PDE4B: variants seen among roughly 807,000 people sequenced by gnomAD.
The protein encoded by PDE4B is 3',5'-cyclic-AMP phosphodiesterase 4B.
In PDE4B, 20 loss-of-function variants were observed where a neutral mutation model predicts 82.2. That is an observed-to-expected ratio of 0.24 (90% CI 0.17 to 0.35). PDE4B has a LOEUF of 0.35. Among genes scored for constraint, PDE4B ranks in the 10% least tolerant of loss-of-function variants. The pLI, the probability that PDE4B is intolerant of heterozygous loss-of-function variation, is 1.00. For missense variants in PDE4B, 655 were observed against 907.2 expected, an observed-to-expected ratio of 0.72 and a Z score of 3.57; for synonymous variants, 320 against 318.9, an observed-to-expected ratio of 1.00 and a Z score of -0.04.
chr1:66,146,674 A>T (rs1010094460), intron 3 of PDE4B, among the ~76,000 whole-genome samples: 9 of 152,154 alleles, frequency 5.9e-5, no homozygotes, highest in African/African-American at 2.2e-4. Flanking sequence ...GATATTTGAA[A>T]TGTGTCCACC....
At chr1:66,315,941 C>T (rs1317897748) in intron 7 of PDE4B, among the ~76,000 whole-genome samples, 6 of 152,220 alleles carry the variant, frequency 3.9e-5, no homozygotes, top group Non-Finnish European at 8.8e-5. Context: ...GTAAACCTCA[C>T]TCACTCTCCA....
chr1:66,368,258 ATC>A (rs2102057167), intron 15 of PDE4B, 193 bp downstream of exon 15: 1 of 565,782 alleles, frequency 1.8e-6, no homozygotes, highest in Non-Finnish European at 3.0e-6. Context: ...AGGAAAAATA[ATC>A]TCTATTTGTG....
Position 66,368,014 on chromosome 1 carries a change from A to G in PDE4B, c.1611A>G (p.Lys537=). 1 of 1,613,920 alleles carries G rather than the reference A, an allele frequency of 6.2e-7. No homozygotes were observed. Among genetic ancestry groups the G allele is most frequent in the Non-Finnish European group, 8.5e-7 (1 of 1,179,856 alleles). The change falls in exon 15 of 17, where the codon AAA becomes AAG. Residue 537 remains lysine, a synonymous_variant. Coordinates refer to ENST00000341517, the MANE Select transcript of PDE4B (RefSeq NM_002600.4). The part of the protein sequence containing the change: ...ADLKTMVETK[K]VTSSGVLLLD... ...TGAAGACAATGGTAGAAACGAAGAA[A>G]GTTACAAGTTCAGGCGTTCTTCTCC...
chr1:66,190,247 G>T (rs1468433611), intron 3 of PDE4B, among the ~76,000 whole-genome samples: 1 of 152,148 alleles, frequency 6.6e-6, no homozygotes, highest in Non-Finnish European at 1.5e-5. Context: ...TGCCTCTACT[G>T]GGGGGTGCCT....
intron 3 of PDE4B, among the ~76,000 whole-genome samples, chr1:65,944,658 G>C (rs1217447025): frequency 4.6e-5 from 7 of 151,926 alleles, no homozygotes; most frequent in Admixed American, 3.9e-4. Flanking sequence ...AGACAATGGA[G>C]ATGACCAGCC....
intron 1 of PDE4B, among the ~76,000 whole-genome samples, chr1:65,878,409 C>A (rs1261636805): frequency 6.6e-6 from 1 of 152,166 alleles, no homozygotes; most frequent in East Asian, 1.9e-4. Flanking sequence ...ATATATCATT[C>A]TACTATAAAG....
In PDE4B at chr1:66,219,414, C is replaced by T. The variant is rs1417747739; in HGVS notation, c.282-28046C>T. Among the ~76,000 whole-genome samples the T allele has an allele frequency of 2.6e-5, 4 of 152,186 alleles. No homozygotes were observed. The East Asian group carries it at 7.7e-4, about 29-fold the overall frequency. ...TTTATAGTTGATACAAATCACCTTGCACATTACAGCATTTTCTTACATTGT... is the reference window on the plus strand; with the variant it reads ...TTTATAGTTGATACAAATCACCTTGTACATTACAGCATTTTCTTACATTGT... On this transcript the variant is annotated intron_variant, in intron 3 of 16. Coordinates refer to ENST00000341517, the MANE Select transcript of PDE4B (RefSeq NM_002600.4).
chr1:66,031,819 A>G (rs574934991), intron 3 of PDE4B, among the ~76,000 whole-genome samples: 117 of 152,324 alleles, frequency 7.7e-4, no homozygotes, highest in African/African-American at 2.5e-3. Flanking sequence ...TTCTAGTTAA[A>G]TTATGATCTG....
At chr1:66,087,977 C>A (rs1644926045) in intron 3 of PDE4B, among the ~76,000 whole-genome samples, 1 of 151,514 alleles carries the variant, frequency 6.6e-6, no homozygotes, top group Non-Finnish European at 1.5e-5. Context: ...GTGTAACTAA[C>A]CTGCACATTG....
chr1:66,109,413 G>A (rs1438564349), intron 3 of PDE4B, among the ~76,000 whole-genome samples: 4 of 151,866 alleles, frequency 2.6e-5, no homozygotes, highest in African/African-American at 4.8e-5. Context: ...GAATGAAGGA[G>A]CAGTAAGGTT....
chr1:66,127,250 A>G (rs575449037), intron 3 of PDE4B, among the ~76,000 whole-genome samples: 85 of 152,248 alleles, frequency 5.6e-4, no homozygotes, highest in African/African-American at 1.6e-3. Context: ...AGGGGAAACA[A>G]TAGGGGAGCT....
intron 3 of PDE4B, among the ~76,000 whole-genome samples, chr1:66,230,547 T>A (rs1016828861): frequency 5.3e-5 from 8 of 152,330 alleles, no homozygotes; most frequent in African/African-American, 1.9e-4. Context: ...AAGGCAAATT[T>A]GAAAGTTTTG....
At chr1:65,862,967 A>C (rs1402217800) in intron 1 of PDE4B, among the ~76,000 whole-genome samples, 1 of 151,952 alleles carries the variant, frequency 6.6e-6, no homozygotes, top group Non-Finnish European at 1.5e-5. Flanking sequence ...GTAGTGGTCT[A>C]TCTATTTTGT....
At chr1:66,072,029 T>C (rs919692510) in intron 3 of PDE4B, among the ~76,000 whole-genome samples, 1 of 152,086 alleles carries the variant, frequency 6.6e-6, no homozygotes, top group Non-Finnish European at 1.5e-5. Flanking sequence ...CTCCAAGACA[T>C]GGCTTGGCTA....
intron 9 of PDE4B, among the ~76,000 whole-genome samples, chr1:66,357,845 TCTAA>T (rs1403919082): frequency 6.6e-6 from 1 of 152,160 alleles, no homozygotes; most frequent in African/African-American, 2.4e-5. Flanking sequence ...CCCTTCCAAC[TCTAA>T]CTTACTATAA....
intron 8 of PDE4B, among the ~76,000 whole-genome samples, chr1:66,353,903 C>A (rs964683564): frequency 1.3e-5 from 2 of 152,066 alleles, no homozygotes; most frequent in Non-Finnish European, 2.9e-5. Context: ...ACTCTGGATC[C>A]TAGATGGAAA....
chr1:66,016,976 C>T (rs1652814990), intron 3 of PDE4B, among the ~76,000 whole-genome samples: 1 of 152,142 alleles, frequency 6.6e-6, no homozygotes. Flanking sequence ...GCTCTTTGGC[C>T]ATTCTTGCAG....
At chr1:66,369,983 AC>A (rs1284882642) in intron 16 of PDE4B, among the ~76,000 whole-genome samples, 4 of 151,876 alleles carry the variant, frequency 2.6e-5, no homozygotes, top group African/African-American at 9.7e-5. Flanking sequence ...CCCTGTCTCT[AC>A]CAAAAACACA....
intron 8 of PDE4B, chr1:66,355,017 A>G: frequency 1.3e-6 from 1 of 794,318 alleles, no homozygotes; most frequent in Non-Finnish European, 2.0e-6. Context: ...ACCCACTGGG[A>G]CCTCTTATTT....
Sources: gnomAD v4.1 joint callset for allele counts (sites outside exome capture counted in the v4.1 genomes callset) on GRCh38, gnomAD v4.1.1 for gene constraint, MANE v1.5 for transcripts, NCBI Gene and HGNC (gene_info 2026-07-23, HGNC 2026-07-21) for gene names.